LIN9: variants seen among roughly 807,000 people sequenced by gnomAD.
The protein encoded by LIN9 is lin-9 DREAM MuvB core complex component.
In LIN9, 18 loss-of-function variants were observed where a neutral mutation model predicts 78.0. The ratio of observed to expected loss-of-function variants is 0.23; its 90% CI spans 0.16 to 0.34. The LOEUF is 0.34. LIN9 is among the 10% of genes least tolerant of loss of function. LIN9 has a pLI of 1.00. For missense variants in LIN9, 451 were observed against 644.1 expected (o/e 0.70, Z 3.25); for synonymous variants, 192 against 215.2 (o/e 0.89, Z 0.94).
chr1:226,271,980 T>C (rs1225117791), intron 7 of LIN9, among the ~76,000 whole-genome samples: 1 of 152,100 alleles, frequency 6.6e-6, no homozygotes, highest in African/African-American at 2.4e-5. Flanking sequence ...TGATTTTATA[T>C]TTAAGTATAA....
At chr1:226,308,032 T>G (rs559894908) in intron 1 of LIN9, among the ~76,000 whole-genome samples, 7 of 152,268 alleles carry the variant, frequency 4.6e-5, no homozygotes, top group African/African-American at 1.7e-4. Context: ...ACAAAGAAAA[T>G]GGAATCGGTA....
rs539064352 is a variant in LIN9, at chr1:226,241,558, T to C, written c.1120-2462A>G. On this transcript the variant is annotated intron_variant, in intron 11 of 14. Transcript: ENST00000681046. ...TGAAATTGGGAGATGGCTAATGCAT[T>C]ACAAAATGGGGTGATATAGGCCGGG... Among the ~76,000 whole-genome samples the C allele has an allele frequency of 6.8e-4, 103 of 152,320 alleles. 2 individuals are homozygous for C. The South Asian group carries it at 0.021, about 31-fold the overall frequency.
intron 11 of LIN9, among the ~76,000 whole-genome samples, chr1:226,240,386 GTTTT>G (rs34988388): frequency 3.4e-4 from 42 of 124,006 alleles, no homozygotes; most frequent in Admixed American, 9.1e-4. Context: ...CTTGTTCTAA[GTTTT>G]TTTTTTTTTT....
chr1:226,245,429 C>G (rs12739409), intron 11 of LIN9, among the ~76,000 whole-genome samples: 1 of 45,804 alleles, frequency 2.2e-5, no homozygotes, highest in Non-Finnish European at 4.2e-5. Context: ...TGTCTTTTTT[C>G]CCCCCCCCCA....
chr1:226,268,122 G>T (rs770786558), intron 7 of LIN9, 32 bp from the exon 8 acceptor site: 5 of 1,600,256 alleles, frequency 3.1e-6, no homozygotes, highest in Non-Finnish European at 4.3e-6. Flanking sequence ...TATGATGTGT[G>T]GGAGATACAA....
intron 3 of LIN9, among the ~76,000 whole-genome samples, chr1:226,296,606 A>C (rs909816373): frequency 3.3e-5 from 5 of 152,206 alleles, no homozygotes; most frequent in Non-Finnish European, 5.9e-5. Context: ...TAATATCCCG[A>C]TAAGACCTAC....
intron 1 of LIN9, 76 bp downstream of exon 1, chr1:226,309,033 C>A (rs974515471): frequency 1.6e-6 from 2 of 1,282,168 alleles, no homozygotes; most frequent in Admixed American, 6.3e-5. Context: ...AGGGCACGGC[C>A]GTCCGTCCCG....
chr1:226,264,654 T>C (rs1659803544), intron 10 of LIN9, among the ~76,000 whole-genome samples: 1 of 152,180 alleles, frequency 6.6e-6, no homozygotes. Flanking sequence ...GAGACCAGCC[T>C]GGCCAGCACA....
chr1:226,296,135 A>C (rs978351324), intron 3 of LIN9, among the ~76,000 whole-genome samples, 189 bp from the exon 4 acceptor site: 2 of 152,234 alleles, frequency 1.3e-5, no homozygotes, highest in Non-Finnish European at 2.9e-5. Context: ...AGTAAGATGT[A>C]TTTATACAAG....
At chr1:226,295,728 A>T (rs1558204197) in intron 4 of LIN9, 114 bp downstream of exon 4, 1 of 620,230 alleles carries the variant, frequency 1.6e-6, no homozygotes, top group Non-Finnish European at 2.8e-6. Context: ...GAGCAGCCGT[A>T]CGAATTTAAA....
intron 14 of LIN9, 75 bp from the exon 15 acceptor site, chr1:226,232,681 AT>A: frequency 2.5e-6 from 2 of 794,442 alleles, no homozygotes; most frequent in Non-Finnish European, 4.1e-6. Flanking sequence ...GAAGACCTGA[AT>A]TTTAGTTAGG....
chr1:226,277,756 T>TTAG lies in LIN9; in HGVS notation c.682+16_682+18dup. ...TAAAAATTACAAGTCAAAAGAGTAA[T>TTAG]TAGCTTGTTTTCACTTACCTGTAAC... On this transcript the variant is annotated intron_variant, in intron 7 of 14. Transcript: ENST00000681046. The TTAG allele has an allele frequency of 6.2e-7, 1 of 1,602,930 alleles. No homozygotes were observed.
intron 12 of LIN9, among the ~76,000 whole-genome samples, chr1:226,237,023 C>A (rs922736078): frequency 6.6e-6 from 1 of 152,102 alleles, no homozygotes; most frequent in Non-Finnish European, 1.5e-5. Context: ...AGTAGAATTG[C>A]TTAGTCATGG....
At chr1:226,299,760 T>C (rs1265949174) in intron 2 of LIN9, among the ~76,000 whole-genome samples, 1 of 152,072 alleles carries the variant, frequency 6.6e-6, no homozygotes, top group African/African-American at 2.4e-5. Context: ...AGAATCTTAA[T>C]CAAGAGGTAA....
intron 6 of LIN9, among the ~76,000 whole-genome samples, chr1:226,280,496 G>A (rs541449609): frequency 3.3e-5 from 5 of 152,184 alleles, no homozygotes; most frequent in South Asian, 4.1e-4. Context: ...ACAGACTTGC[G>A]GCCGGGCGCA....
rs566327081 is a variant in LIN9, at chr1:226,234,191, A to G, written c.1246-668T>C. 2.0e-5 allele frequency among the ~76,000 whole-genome samples: 3 copies of G among 152,344 alleles called. No individual in the cohort carries two copies. The South Asian group carries it at 6.2e-4, about 32-fold the overall frequency. Reference sequence around the variant, plus strand: ...TTTTGTAAGTACTAAGTAGTTGTGAAGAGATACTTTGAGGCTATGTAAACA... The same window carrying G: ...TTTTGTAAGTACTAAGTAGTTGTGAGGAGATACTTTGAGGCTATGTAAACA... On this transcript the variant is annotated intron_variant, in intron 12 of 14. Transcript: ENST00000681046.
chr1:226,297,654 CAT>C (rs1662240192), intron 3 of LIN9, 63 bp downstream of exon 3: 1 of 1,109,490 alleles, frequency 9.0e-7, no homozygotes, highest in Non-Finnish European at 1.3e-6. Flanking sequence ...AGAATTTACA[CAT>C]GACAATAATA....
chr1:226,235,241 G>C (rs1472136856), intron 12 of LIN9, among the ~76,000 whole-genome samples: 1 of 144,560 alleles, frequency 6.9e-6, no homozygotes, highest in Non-Finnish European at 1.5e-5. Context: ...AGAATCGCTT[G>C]AACCCCGGAG....
At chr1:226,294,571 C>CAA (rs1033784338) in intron 4 of LIN9, among the ~76,000 whole-genome samples, 3 of 126,802 alleles carry the variant, frequency 2.4e-5, no homozygotes, top group African/African-American at 6.3e-5. Flanking sequence ...AACTCTGTCT[C>CAA]AAAAAAAAAA....
Sources: allele counts gnomAD v4.1 joint callset (sites outside exome capture counted in the v4.1 genomes callset), GRCh38; gene constraint gnomAD v4.1.1; transcripts MANE v1.5; gene names NCBI Gene and HGNC (gene_info 2026-07-23, HGNC 2026-07-21).